Variants in RNGTT observed in about 807,000 individuals in gnomAD.
RNGTT encodes the protein mRNA-capping enzyme.
RNGTT carries 33 observed loss-of-function variants against 79.3 expected under a neutral mutation model. The ratio of observed to expected loss-of-function variants is 0.42; its 90% CI spans 0.32 to 0.56. The LOEUF is 0.56. RNGTT is among the 20% of genes least tolerant of loss of function. The probability of loss-of-function intolerance (pLI) is 0.17; values close to 1 mark genes in which losing one functional copy is unlikely to be tolerated. For synonymous variants in RNGTT, 222 were observed against 235.9 expected (o/e 0.94, Z 0.54); for missense variants, 497 against 739.1 (o/e 0.67, Z 3.80).
intron 12 of RNGTT, 116 bp from the exon 13 acceptor site, chr6:88,769,990 T>C: frequency 3.1e-6 from 2 of 650,768 alleles, no homozygotes; most frequent in Non-Finnish European, 5.1e-6. Context: ...CTAAACATAA[T>C]TTTAATCTTC....
chr6:88,721,226 T>C (rs1776699391), intron 13 of RNGTT, among the ~76,000 whole-genome samples: 1 of 152,090 alleles, frequency 6.6e-6, no homozygotes, highest in Non-Finnish European at 1.5e-5. Context: ...AAATCCAAAC[T>C]ACACTCTCGA....
At chr6:88,817,947 A>G (rs1780374155) in intron 11 of RNGTT, among the ~76,000 whole-genome samples, 2 of 151,288 alleles carry the variant, frequency 1.3e-5, no homozygotes, top group South Asian at 4.2e-4. Context: ...TTTTAGTAGA[A>G]ACGGGGTTTC....
intron 1 of RNGTT, among the ~76,000 whole-genome samples, chr6:88,941,547 C>T (rs1204729842): frequency 2.0e-5 from 3 of 152,126 alleles, no homozygotes; most frequent in African/African-American, 4.8e-5. Flanking sequence ...GAATTACAGG[C>T]GTGAGCCACC....
chr6:88,901,086 G>A (rs921488118), intron 6 of RNGTT, among the ~76,000 whole-genome samples: 6 of 151,372 alleles, frequency 4.0e-5, no homozygotes, highest in Non-Finnish European at 7.4e-5. Flanking sequence ...AGCTTGCAGT[G>A]AGCCAAGATC....
intron 12 of RNGTT, among the ~76,000 whole-genome samples, chr6:88,778,652 A>C (rs1344235066): frequency 6.6e-6 from 1 of 152,130 alleles, no homozygotes; most frequent in Non-Finnish European, 1.5e-5. Flanking sequence ...CATTGCACCC[A>C]GCTCAAACAG....
At chr6:88,623,748 T>C (rs887230677) in intron 14 of RNGTT, among the ~76,000 whole-genome samples, 1 of 151,870 alleles carries the variant, frequency 6.6e-6, no homozygotes, top group African/African-American at 2.4e-5. Flanking sequence ...GAAAAACAAA[T>C]AAAAGACCTA....
chr6:88,665,395 T>C (rs1348498633), intron 14 of RNGTT, among the ~76,000 whole-genome samples: 1 of 152,168 alleles, frequency 6.6e-6, no homozygotes, highest in East Asian at 1.9e-4. Context: ...TTTGGAATTA[T>C]AGTGCCTTGT....
At chr6:88,883,604 T>C (rs1782761779) in intron 8 of RNGTT, among the ~76,000 whole-genome samples, 2 of 151,952 alleles carry the variant, frequency 1.3e-5, no homozygotes, top group Admixed American at 1.3e-4. Context: ...ACAATGACAA[T>C]AAAAGGAGTT....
At chr6:88,876,570 A>G (rs1782526088) in intron 8 of RNGTT, among the ~76,000 whole-genome samples, 1 of 152,214 alleles carries the variant, frequency 6.6e-6, no homozygotes, top group Non-Finnish European at 1.5e-5. Flanking sequence ...TGCTAAGCCT[A>G]TCATAGCTAG....
chr6:88,872,812 T>C (rs1030216540), intron 8 of RNGTT, among the ~76,000 whole-genome samples: 12 of 152,114 alleles, frequency 7.9e-5, no homozygotes, highest in African/African-American at 2.9e-4. Context: ...CTGAGAAGCA[T>C]GCACAGAGGT....
At chr6:88,822,978 G>C (rs1265349254) in intron 11 of RNGTT, among the ~76,000 whole-genome samples, 2 of 152,142 alleles carry the variant, frequency 1.3e-5, no homozygotes, top group Non-Finnish European at 2.9e-5. Context: ...TAAGCCACAG[G>C]CTCTCAGAAT....
chr6:88,894,693 T>C (rs1174987317), intron 6 of RNGTT, among the ~76,000 whole-genome samples: 2 of 152,326 alleles, frequency 1.3e-5, no homozygotes, highest in Middle Eastern at 3.4e-3. Context: ...TTCATTGTTA[T>C]GTATGAGATG....
At chr6:88,638,804 T>C (rs1711785156) in intron 14 of RNGTT, among the ~76,000 whole-genome samples, 1 of 152,188 alleles carries the variant, frequency 6.6e-6, no homozygotes, top group South Asian at 2.1e-4. Context: ...ATGTTTTTAA[T>C]ATACACTTTC....
intron 5 of RNGTT, 139 bp downstream of exon 5, chr6:88,906,226 A>G (rs1783649419): frequency 1.6e-6 from 1 of 618,582 alleles, no homozygotes. Flanking sequence ...AAGATTAACC[A>G]TATCTAAAAT....
intron 11 of RNGTT, among the ~76,000 whole-genome samples, chr6:88,805,403 A>G (rs771512111): frequency 2.0e-5 from 3 of 152,222 alleles, no homozygotes; most frequent in Non-Finnish European, 2.9e-5. Context: ...CAGGCAGGGC[A>G]GGAAACATGA....
intron 2 of RNGTT, 147 bp from the exon 3 acceptor site, chr6:88,929,414 A>G: frequency 1.8e-6 from 1 of 556,700 alleles, no homozygotes. Context: ...TGATAATAAA[A>G]GTATCACTTA....
At chr6:88,846,327 G>A (rs1045534029) in intron 10 of RNGTT, among the ~76,000 whole-genome samples, 4 of 152,182 alleles carry the variant, frequency 2.6e-5, no homozygotes, top group African/African-American at 9.7e-5. Context: ...TTACTATAAT[G>A]AAAACCCTTT....
In RNGTT at chr6:88,704,691, T is replaced by C. The variant is rs576647338; in HGVS notation, c.1440-26272A>G. ...ATCAAATCTAAGTGATAAAATCAGT[T>C]TGGGCCTGAAAAGCTCTATCCAACC... is the stretch of plus-strand genomic sequence containing the variant. On this transcript the variant is annotated intron_variant, in intron 13 of 15. Transcript: ENST00000369485. Among the ~76,000 whole-genome samples the C allele has an allele frequency of 2.8e-4, 42 of 152,280 alleles. 1 individual carries two copies. The highest frequency in any genetic ancestry group is 1.0e-3 in the African/African-American group (42 of 41,566).
intron 14 of RNGTT, among the ~76,000 whole-genome samples, chr6:88,636,772 T>C (rs1055965280): frequency 2.0e-5 from 3 of 151,690 alleles, no homozygotes; most frequent in Admixed American, 6.6e-5. Flanking sequence ...TGAGTTCCTT[T>C]CAACATACCA....
Sources: allele counts gnomAD v4.1 joint callset (sites outside exome capture counted in the v4.1 genomes callset), GRCh38; gene constraint gnomAD v4.1.1; transcripts MANE v1.5; gene names NCBI Gene and HGNC (gene_info 2026-07-23, HGNC 2026-07-21).